CASP10: variants seen among roughly 807,000 people sequenced by gnomAD.
CASP10 encodes the protein caspase 10.
In CASP10, 41 loss-of-function variants were observed where a neutral mutation model predicts 48.5. The observed-to-expected ratio is 0.85, with a 90% CI of 0.66 to 1.10. The LOEUF (loss-of-function observed/expected upper bound fraction) is 1.10. Ranked by LOEUF, CASP10 falls within the 50% of genes least tolerant of loss-of-function variation. CASP10 has a pLI of 0.00. For missense variants in CASP10, 614 were observed against 614.5 expected (o/e 1.00, Z 0.01); for synonymous variants, 232 against 238.4 (o/e 0.97, Z 0.25).
Position 201,218,969 on chromosome 2 carries a change from G to T in CASP10, c.*1228G>T. ...TCTGCAAGCAGAAACTTTACAACCTGATGTCATATTCCATTTTGGACTGGG... is the reference window on the plus strand; with the variant it reads ...TCTGCAAGCAGAAACTTTACAACCTTATGTCATATTCCATTTTGGACTGGG... On this transcript the variant is annotated 3_prime_UTR_variant, in exon 10 of 10. Transcript: ENST00000286186. 3 of 985,444 alleles carry T rather than the reference G, an allele frequency of 3.0e-6. No individual in the cohort carries two copies. The South Asian group carries it at 1.4e-4, about 46-fold the overall frequency. 61.0% of individuals were successfully genotyped at this position (985,444 alleles called of 1,614,324 possible). A position where few individuals can be genotyped will look rare whatever the true frequency, so the allele number is the denominator to read the frequency against.
chr2:201,209,594 T>C, intron 9 of CASP10, 32 bp downstream of exon 9: 1 of 1,579,720 alleles, frequency 6.3e-7, no homozygotes, highest in Non-Finnish European at 8.6e-7. Context: ...CCATTTGTAA[T>C]TAATTAGTTT....
intron 7 of CASP10, among the ~76,000 whole-genome samples, chr2:201,207,868 C>T (rs1462150371): frequency 6.6e-6 from 1 of 152,022 alleles, no homozygotes; most frequent in Non-Finnish European, 1.5e-5. Context: ...CTCACTCCAG[C>T]CTGGGCAACA....
At chr2:201,226,938 GAT>G (rs1945794713) in intron 9 of CASP10, among the ~76,000 whole-genome samples, 1 of 152,034 alleles carries the variant, frequency 6.6e-6, no homozygotes, top group African/African-American at 2.4e-5. Context: ...TATATAATAT[GAT>G]ATGATTTATA....
chr2:201,189,270 ATT>A lies in CASP10; in HGVS notation c.441+1486_441+1487del, dbSNP rs35733718. On this transcript the variant is annotated intron_variant, in intron 3 of 9. Coordinates refer to ENST00000286186, the MANE Select transcript of CASP10 (RefSeq NM_032977.4). ...AATCCTTGATTCTTTTCTTTCAGTT[ATT>A]TTTTTTTTTTTTTTGAGACGGTGTC... is the stretch of plus-strand genomic sequence containing the variant. 4.4e-3 allele frequency among the ~76,000 whole-genome samples: 538 copies of A among 121,580 alleles called. 4 individuals are homozygous for A. The highest frequency in any genetic ancestry group is 8.6e-3 in the African/African-American group (291 of 33,854). The allele number at this position is 121,580 out of a possible 152,430, so 79.8% of individuals were successfully genotyped here.
chr2:201,221,679 T>C (rs1246373459), downstream of CASP10: 1 of 152,242 alleles, frequency 6.6e-6, no homozygotes, highest in Non-Finnish European at 1.5e-5. Flanking sequence ...TGTTTGGTTG[T>C]CTCTTCACAA....
At chr2:201,208,759 A>C (rs183868990) in intron 8 of CASP10, among the ~76,000 whole-genome samples, 11 of 152,094 alleles carry the variant, frequency 7.2e-5, no homozygotes, top group Non-Finnish European at 1.3e-4. Context: ...GCTCACTGCA[A>C]CCTCTGCCTC....
intron 2 of CASP10, among the ~76,000 whole-genome samples, chr2:201,186,624 G>GGTAA (rs1944424336): frequency 6.6e-6 from 1 of 152,158 alleles, no homozygotes; most frequent in Admixed American, 6.5e-5. Flanking sequence ...AATCCAGAAA[G>GGTAA]GTAAAAACAG....
intron 5 of CASP10, among the ~76,000 whole-genome samples, chr2:201,197,258 T>C (rs565907601): frequency 2.6e-5 from 4 of 151,996 alleles, no homozygotes; most frequent in South Asian, 2.1e-4. Context: ...ATTACAGCCA[T>C]GTACCACCAC....
In CASP10 at chr2:201,220,644, C is replaced by A; in HGVS notation, c.*2903C>A. Reference sequence around the variant, plus strand: ...GTGAGTGGGCTCTGACCTAACTCGGCCAGAAGCCCCTTTCAAATTTGTTTT... The same window carrying A: ...GTGAGTGGGCTCTGACCTAACTCGGACAGAAGCCCCTTTCAAATTTGTTTT... On this transcript the variant is annotated 3_prime_UTR_variant, in exon 10 of 10. Coordinates refer to ENST00000286186, the MANE Select transcript of CASP10 (RefSeq NM_032977.4). 1.5e-6 allele frequency: 1 copy of A among 649,808 alleles called. No individual in the cohort carries two copies. The highest frequency in any genetic ancestry group is 1.9e-6 in the Non-Finnish European group (1 of 523,548). The allele number at this position is 649,808 out of a possible 1,614,324, so 40.3% of individuals were successfully genotyped here.
At chr2:201,194,203 C>A (rs776606397) in intron 4 of CASP10, among the ~76,000 whole-genome samples, 4 of 151,824 alleles carry the variant, frequency 2.6e-5, no homozygotes, top group Admixed American at 6.6e-5. Flanking sequence ...AACCTGGCTG[C>A]CTTACCACGT....
In CASP10 at chr2:201,217,951, T is replaced by A; in HGVS notation, c.*210T>A. 7.7e-7 allele frequency: 1 copy of A among 1,304,252 alleles called. No homozygotes were observed. The highest frequency in any genetic ancestry group is 9.9e-7 in the Non-Finnish European group (1 of 1,005,860). The allele number at this position is 1,304,252 out of a possible 1,614,324, so 80.8% of individuals were successfully genotyped here. ...TTTTTTTGGAGATAGTCTCATTCTG[T>A]CACCCAGACTGGAGTGCAGGGGGGC... On this transcript the variant is annotated 3_prime_UTR_variant, in exon 10 of 10. Coordinates refer to ENST00000286186, the MANE Select transcript of CASP10 (RefSeq NM_032977.4).
chr2:201,208,154 AG>A lies in CASP10; in HGVS notation c.895del (p.Asp299ThrfsTer12). On this transcript the variant is annotated frameshift_variant, in exon 8 of 10. Coordinates refer to ENST00000286186, the MANE Select transcript of CASP10 (RefSeq NM_032977.4). LOFTEE classifies it high-confidence loss of function. ...IVNNHSFTSL[K>X]DRQGTHKDAE... is the part of the protein sequence containing the mutation. ...AACAACCACAGCTTTACCTCCCTGA[AG>A]GACAGACAAGGAACCCATAAAGATG... is the stretch of plus-strand genomic sequence containing the variant. 6.2e-7 allele frequency: 1 copy of A among 1,614,074 alleles called. No homozygotes were observed. Among genetic ancestry groups the A allele is most frequent in the Admixed American group, 1.7e-5 (1 of 60,016 alleles).
rs956990918 is a variant in CASP10 at position 201,203,758 on chromosome 2, G to A, written c.713G>A (p.Gly238Asp). ...PQESWQNKHAGSNGNRATNGA... is the reference protein window; with the variant it reads ...PQESWQNKHADSNGNRATNGA... ...GAGTCCTGGCAAAATAAGCATGCAG[G>A]TAGTAATGGTAGGTATTTCTAATGT... The change falls in exon 6 of 10, where the codon GGT (glycine) becomes GAT (aspartate). Residue 238 changes from glycine (G) to aspartate (D), a missense_variant. Transcript: ENST00000286186. 1 of 1,613,098 alleles carries A rather than the reference G, an allele frequency of 6.2e-7. No individual in the cohort carries two copies. The highest frequency in any genetic ancestry group is 8.5e-7 in the Non-Finnish European group (1 of 1,179,104).
intron 6 of CASP10, among the ~76,000 whole-genome samples, chr2:201,204,864 GTGCTCTGAGCCACTGAAGCGTGGATCCC>G (rs1006369815): frequency 6.6e-6 from 1 of 152,116 alleles, no homozygotes; most frequent in Non-Finnish European, 1.5e-5. Context: ...GAATTTATAG[GTGCTCTGAGCCACTGAAGCGTGGATCCC>G]TTTTGCTGTA....
Position 201,220,723 on chromosome 2 carries a change from CT to C in CASP10, c.*2985del, listed in dbSNP as rs764212197. ...AAGCCACCTTTCATGTTTCTTTCCTCTTTCTTTAATTCTTACACATGTGTCA... is the reference window on the plus strand; with the variant it reads ...AAGCCACCTTTCATGTTTCTTTCCTCTTCTTTAATTCTTACACATGTGTCA... On this transcript the variant is annotated 3_prime_UTR_variant, in exon 10 of 10. Transcript: ENST00000286186. 9 of 984,608 alleles carry C rather than the reference CT, an allele frequency of 9.1e-6. No individual in the cohort carries two copies. The highest frequency in any genetic ancestry group is 1.1e-5 in the Non-Finnish European group (9 of 829,266). 61.0% of individuals were successfully genotyped at this position (984,608 alleles called of 1,614,324 possible).
intron 5 of CASP10, chr2:201,200,620 C>G (rs940593541): frequency 6.8e-7 from 1 of 1,468,468 alleles, no homozygotes; most frequent in Non-Finnish European, 9.0e-7. Context: ...CCTCATTCGG[C>G]AGGTGGAGGT....
rs749916378 is a variant in CASP10, at chr2:201,228,932, G to A, written c.1416-1G>A. On this transcript the variant is annotated splice_acceptor_variant, in intron 9 of 9. Transcript: ENST00000272879. LOFTEE classifies it high-confidence loss of function. ...CTTTTATTTCTCTTTGTGCTCAGTA[G>A]GATGCTGAAATTTCTGGAAAAGACA... 6.2e-7 allele frequency: 1 copy of A among 1,614,058 alleles called. No homozygotes were observed. Among genetic ancestry groups the A allele is most frequent in the Non-Finnish European group, 8.5e-7 (1 of 1,179,972 alleles).
intron 5 of CASP10, among the ~76,000 whole-genome samples, chr2:201,201,253 A>T (rs1308400106): frequency 6.6e-6 from 1 of 151,808 alleles, no homozygotes; most frequent in Non-Finnish European, 1.5e-5. Context: ...GGATTTCACC[A>T]TGTTGACTTA....
At position 201,186,028 on chromosome 2, in the gene CASP10, A is replaced by G; in HGVS notation, c.251A>G (p.Tyr84Cys). 1.2e-6 allele frequency: 2 copies of G among 1,613,390 alleles called. No homozygotes were observed. The highest frequency in any genetic ancestry group is 1.7e-6 in the Non-Finnish European group (2 of 1,180,000). ...EDPFFLAELL[Y>C]IIRQKKLLQH... ...CCTTTCTTCCTGGCAGAACTCCTCTATATCATACGGCAGAAGAAGCTGCTG... is the reference window on the plus strand; with the variant it reads ...CCTTTCTTCCTGGCAGAACTCCTCTGTATCATACGGCAGAAGAAGCTGCTG... Residue 84 changes from tyrosine to cysteine, a missense_variant, in exon 2 of 10, where the codon TAT becomes TGT. Transcript: ENST00000286186.
Sources: gnomAD v4.1 joint callset for allele counts (sites outside exome capture counted in the v4.1 genomes callset) on GRCh38, gnomAD v4.1.1 for gene constraint, MANE v1.5 for transcripts, NCBI Gene and HGNC (gene_info 2026-07-23, HGNC 2026-07-21) for gene names.